The following GMPR variants were observed in gnomAD, a reference collection of about 807,000 sequenced individuals.
GMPR encodes the protein GMP reductase 1.
GMPR carries 31 observed loss-of-function variants against 38.4 expected under a neutral mutation model. The ratio of observed to expected loss-of-function variants is 0.81; its 90% CI spans 0.61 to 1.09. The LOEUF (loss-of-function observed/expected upper bound fraction) is 1.09, where lower values mean the gene tolerates loss of function less well. GMPR is among the 50% of genes least tolerant of loss of function. The pLI is 0.00. For synonymous variants in GMPR, 162 were observed against 173.3 expected (o/e 0.93, Z 0.51); for missense variants, 468 against 453.7 (o/e 1.03, Z -0.29).
At chr6:16,263,593 G>A (rs912884753) in intron 4 of GMPR, among the ~76,000 whole-genome samples, 2 of 151,656 alleles carry the variant, frequency 1.3e-5, no homozygotes, top group Non-Finnish European at 2.9e-5. Flanking sequence ...GGGTTGGGAT[G>A]CAGAGATAAG....
At chr6:16,290,679 A>G (rs1226120592) in intron 8 of GMPR, 58 bp downstream of exon 8, 2 of 1,481,126 alleles carry the variant, frequency 1.4e-6, no homozygotes, top group Non-Finnish European at 1.9e-6. Flanking sequence ...TCTTACGGAG[A>G]TGGGATGGAA....
chr6:16,294,049 ACAAT>A lies in GMPR; in HGVS notation c.858-953_858-950del, dbSNP rs533699924. 1.4e-4 allele frequency among the ~76,000 whole-genome samples: 21 copies of A among 152,346 alleles called. No homozygotes were observed. The East Asian group carries it at 3.5e-3, about 25-fold the overall frequency. ...GGACATGACCTGTGTTACCCAAGTA[ACAAT>A]CAAGCAGTGTTACCTGGTGGCTTTG... On this transcript the variant is annotated intron_variant, in intron 8 of 8. Coordinates refer to ENST00000259727, the MANE Select transcript of GMPR (RefSeq NM_006877.4).
chr6:16,272,615 C>T (rs145618428), intron 4 of GMPR, among the ~76,000 whole-genome samples: 2 of 152,300 alleles, frequency 1.3e-5, no homozygotes, highest in Admixed American at 1.3e-4. Flanking sequence ...GAACACTTTC[C>T]GTTTTTCTCA....
At chr6:16,265,536 T>C (rs1290472433) in intron 4 of GMPR, among the ~76,000 whole-genome samples, 1 of 152,168 alleles carries the variant, frequency 6.6e-6, no homozygotes, top group Non-Finnish European at 1.5e-5. Context: ...TAGAGGATTG[T>C]AAATGCATCA....
chr6:16,244,962 G>A (rs545452937), intron 1 of GMPR, among the ~76,000 whole-genome samples: 1 of 152,310 alleles, frequency 6.6e-6, no homozygotes, highest in East Asian at 1.9e-4. Context: ...GGAGTGCCAA[G>A]AAAAACCCAT....
At chr6:16,256,829 G>A (rs1465445921) in intron 4 of GMPR, among the ~76,000 whole-genome samples, 3 of 152,198 alleles carry the variant, frequency 2.0e-5, no homozygotes, top group Non-Finnish European at 4.4e-5. Flanking sequence ...AGAGCTTCTA[G>A]AACCTTTGTA....
chr6:16,240,671 C>T (rs1036997837), intron 1 of GMPR, among the ~76,000 whole-genome samples: 4 of 152,166 alleles, frequency 2.6e-5, no homozygotes, highest in African/African-American at 7.2e-5. Context: ...TACTCCTTCT[C>T]GGGGAATACT....
At chr6:16,285,930 G>A (rs1581665682) in intron 7 of GMPR, 95 bp downstream of exon 7, 1 of 1,059,068 alleles carries the variant, frequency 9.4e-7, no homozygotes. Flanking sequence ...AGGGGGACCT[G>A]GTGGGGAAGT....
At chr6:16,257,107 T>C (rs557389711) in intron 4 of GMPR, among the ~76,000 whole-genome samples, 31 of 152,144 alleles carry the variant, frequency 2.0e-4, no homozygotes, top group Non-Finnish European at 4.0e-4. Context: ...CCATCCTCCA[T>C]TTTCCAGAGA....
chr6:16,255,486 G>A (rs181861113), intron 4 of GMPR, among the ~76,000 whole-genome samples: 13 of 152,236 alleles, frequency 8.5e-5, no homozygotes, highest in South Asian at 2.1e-4. Context: ...AACATTTCAC[G>A]ACAGTCTACT....
chr6:16,265,835 C>T (rs1042415357), intron 4 of GMPR, among the ~76,000 whole-genome samples: 30 of 151,682 alleles, frequency 2.0e-4, no homozygotes, highest in Admixed American at 8.8e-4. Context: ...TGGAGGTTTT[C>T]TTCGTTCGCT....
chr6:16,291,194 A>G (rs939228463), intron 8 of GMPR, among the ~76,000 whole-genome samples: 2 of 152,098 alleles, frequency 1.3e-5, no homozygotes, highest in African/African-American at 4.8e-5. Context: ...AGTGGGGCTT[A>G]CTTCTGCTGA....
At chr6:16,268,833 T>C (rs1581658383) in intron 4 of GMPR, among the ~76,000 whole-genome samples, 1 of 152,042 alleles carries the variant, frequency 6.6e-6, no homozygotes, top group South Asian at 2.1e-4. Context: ...TCAATGCCAC[T>C]GAACTGTACA....
rs1241178123 is a variant in GMPR, at chr6:16,285,812, C to T, written c.674C>T (p.Pro225Leu). Residue 225 changes from proline (P) to leucine (L), a missense_variant, in exon 7 of 9, where the codon CCA becomes CTA. Pro to Leu is a moderately conservative substitution (Grantham distance 98). Transcript: ENST00000259727. ...HIISDGGCTC[P>L]GDVAKAFGAG... is the part of the protein sequence containing the mutation. ...GTGAAGGATGGAGGCTGTACGTGTC[C>T]AGGGGATGTCGCCAAAGCCTTTGGT... The T allele has an allele frequency of 1.9e-6, 3 of 1,613,118 alleles. No homozygotes were observed. The highest frequency in any genetic ancestry group is 2.5e-6 in the Non-Finnish European group (3 of 1,179,562).
At chr6:16,270,270 G>A (rs1488967931) in intron 4 of GMPR, among the ~76,000 whole-genome samples, 1 of 152,184 alleles carries the variant, frequency 6.6e-6, no homozygotes, top group Admixed American at 6.5e-5. Context: ...AGGAAGAGGG[G>A]TTGCCTATCA....
intron 1 of GMPR, among the ~76,000 whole-genome samples, chr6:16,246,563 G>A (rs1381063230): frequency 2.0e-5 from 3 of 152,164 alleles, no homozygotes; most frequent in Non-Finnish European, 2.9e-5. Context: ...CGGGTGGGGC[G>A]AAGATAACAT....
chr6:16,266,215 GAATGAAGA>G (rs1422798303), intron 4 of GMPR, among the ~76,000 whole-genome samples: 2 of 150,240 alleles, frequency 1.3e-5, no homozygotes, highest in Non-Finnish European at 1.5e-5. Context: ...TCGCTGCGAA[GAATGAAGA>G]ACGCCGCGCG....
intron 4 of GMPR, chr6:16,262,893 T>G (rs1481453688): frequency 1.3e-5 from 2 of 151,956 alleles, no homozygotes; most frequent in African/African-American, 4.8e-5. Flanking sequence ...AGCCACCTTT[T>G]TAAGAGTAAA....
At chr6:16,264,181 G>C (rs1408269175) in intron 4 of GMPR, among the ~76,000 whole-genome samples, 1 of 151,980 alleles carries the variant, frequency 6.6e-6, no homozygotes, top group African/African-American at 2.4e-5. Context: ...CCGGAGTTTT[G>C]AGTCCGTGGA....
Sources: allele counts gnomAD v4.1 joint callset (sites outside exome capture counted in the v4.1 genomes callset), GRCh38; gene constraint gnomAD v4.1.1; transcripts MANE v1.5; gene names NCBI Gene and HGNC (gene_info 2026-07-23, HGNC 2026-07-21).